Variants in WDSUB1 observed in about 807,000 individuals in gnomAD.
The protein encoded by WDSUB1 is WD repeat, SAM and U-box domain-containing protein 1.
Under a neutral mutation model 53.9 loss-of-function variants are expected in WDSUB1, and 49 were observed. That is an observed-to-expected ratio of 0.91 (90% CI 0.72 to 1.15). The LOEUF (loss-of-function observed/expected upper bound fraction) is 1.15, where lower values mean the gene tolerates loss of function less well. WDSUB1 is among the 50% of genes most tolerant of loss of function. WDSUB1 has a pLI of 0.00. For missense variants in WDSUB1, 514 were observed against 562.0 expected (o/e 0.91, Z 0.86); for synonymous variants, 194 against 200.6 (o/e 0.97, Z 0.28).
chr2:159,281,019 T>A (rs1362530692), intron 2 of WDSUB1, among the ~76,000 whole-genome samples: 1 of 152,160 alleles, frequency 6.6e-6, no homozygotes, highest in African/African-American at 2.4e-5. Flanking sequence ...AAAAGATATT[T>A]GGCATAAGTG....
At chr2:159,260,822 A>C (rs1172372247) in intron 5 of WDSUB1, among the ~76,000 whole-genome samples, 2 of 152,322 alleles carry the variant, frequency 1.3e-5, no homozygotes, top group African/African-American at 4.8e-5. Flanking sequence ...CAAGGTGAAA[A>C]AACATCTGCA....
At position 159,282,972 on chromosome 2, in the gene WDSUB1, G is replaced by C; in HGVS notation, c.98C>G (p.Thr33Arg). 6.2e-7 allele frequency: 1 copy of C among 1,614,198 alleles called. No homozygotes were observed. Among genetic ancestry groups the C allele is most frequent in the South Asian group, 1.1e-5 (1 of 91,086 alleles). Reference protein sequence around the residue: ...SLLATCSLDKTIRLYSLRDFT... With the variant: ...SLLATCSLDKRIRLYSLRDFT... Reference sequence around the variant, plus strand: ...GTCACGTAACGAGTACAGGCGAATTGTTTTGTCCAAGGAGCAAGTAGCCAA... The same window carrying C: ...GTCACGTAACGAGTACAGGCGAATTCTTTTGTCCAAGGAGCAAGTAGCCAA... Residue 33 changes from threonine to arginine, a missense_variant, in exon 2 of 11, where the codon ACA becomes AGA. Coordinates refer to ENST00000359774, the MANE Select transcript of WDSUB1 (RefSeq NM_001128212.3).
intron 5 of WDSUB1, among the ~76,000 whole-genome samples, chr2:159,264,083 T>A (rs893634149): frequency 6.6e-6 from 1 of 152,184 alleles, no homozygotes; most frequent in Non-Finnish European, 1.5e-5. Context: ...AAAACCCATG[T>A]TTTTTAATAT....
chr2:159,250,676 G>A (rs16843822), intron 9 of WDSUB1, among the ~76,000 whole-genome samples: 10,329 of 152,240 alleles, frequency 0.068, 735 homozygotes, highest in African/African-American at 0.17. Flanking sequence ...GAAGGTTTAC[G>A]AGGAGTTATA....
At chr2:159,254,534 C>A (rs546741152) in intron 9 of WDSUB1, among the ~76,000 whole-genome samples, 2 of 152,270 alleles carry the variant, frequency 1.3e-5, no homozygotes, top group East Asian at 3.9e-4. Context: ...GGACTCCAGC[C>A]TGGGCAACAG....
chr2:159,264,216 T>G (rs1234187676), intron 5 of WDSUB1, among the ~76,000 whole-genome samples: 11 of 152,200 alleles, frequency 7.2e-5, no homozygotes. Context: ...TCACTAAAGC[T>G]CTCAGAAGAC....
intron 10 of WDSUB1, among the ~76,000 whole-genome samples, chr2:159,240,769 C>G (rs2060623053): frequency 6.6e-6 from 1 of 152,180 alleles, no homozygotes; most frequent in Non-Finnish European, 1.5e-5. Context: ...TAAACCCAAG[C>G]AGTGTGGCTC....
At chr2:159,263,896 T>G (rs1488448414) in intron 5 of WDSUB1, among the ~76,000 whole-genome samples, 1 of 152,206 alleles carries the variant, frequency 6.6e-6, no homozygotes, top group Non-Finnish European at 1.5e-5. Context: ...ACATAATAAA[T>G]GCTTTATCTG....
chr2:159,279,912 T>C lies in WDSUB1; in HGVS notation c.432A>G (p.Ala144=). ...CGSVKDGSLA[A]CAFSPNGSFF... is the part of the protein sequence containing the mutation. ...AGCTTCCATTAGGAGAAAATGCACA[T>C]GCCGCCAAGGAGCCATCTTTAACAC... The change falls in exon 3 of 11, where the codon GCA becomes GCG. Residue 144 remains alanine, a synonymous_variant. Transcript: ENST00000359774. 1 of 1,612,422 alleles carries C rather than the reference T, an allele frequency of 6.2e-7. No individual in the cohort carries two copies. Among genetic ancestry groups the C allele is most frequent in the Non-Finnish European group, 8.5e-7 (1 of 1,178,824 alleles).
chr2:159,248,333 C>T (rs768635888), intron 10 of WDSUB1, 39 bp downstream of exon 10: 1 of 1,596,390 alleles, frequency 6.3e-7, no homozygotes, highest in East Asian at 2.3e-5. Context: ...TCATTTAGCA[C>T]AAAACATCCC....
intron 9 of WDSUB1, among the ~76,000 whole-genome samples, chr2:159,252,586 C>T (rs1347762204): frequency 2.6e-5 from 4 of 152,104 alleles, no homozygotes; most frequent in Admixed American, 1.3e-4. Context: ...GGTCATTGCA[C>T]AGTAACTAGA....
chr2:159,249,834 G>C (rs1229187987), intron 9 of WDSUB1, among the ~76,000 whole-genome samples: 1 of 151,634 alleles, frequency 6.6e-6, no homozygotes, highest in South Asian at 2.1e-4. Flanking sequence ...GGGAGGATTA[G>C]GCAGGTGGAT....
intron 9 of WDSUB1, among the ~76,000 whole-genome samples, chr2:159,253,747 CAT>C (rs2061001558): frequency 1.3e-5 from 2 of 152,188 alleles, no homozygotes; most frequent in South Asian, 4.1e-4. Flanking sequence ...TTCACCTCAA[CAT>C]ATTTGTTTCT....
chr2:159,269,755 CAG>C (rs1321176439), intron 5 of WDSUB1, among the ~76,000 whole-genome samples: 3 of 152,180 alleles, frequency 2.0e-5, no homozygotes, highest in African/African-American at 4.8e-5. Context: ...AACAGAGTAA[CAG>C]AGAAAAATTG....
At chr2:159,236,603 A>C (rs2060488404) in intron 10 of WDSUB1, among the ~76,000 whole-genome samples, 1 of 152,180 alleles carries the variant, frequency 6.6e-6, no homozygotes, top group Admixed American at 6.5e-5. Flanking sequence ...AGGTACCCAG[A>C]GATGACAGAA....
At chr2:159,278,034 T>C (rs9287786) in intron 3 of WDSUB1, among the ~76,000 whole-genome samples, 22,928 of 152,098 alleles carry the variant, frequency 0.15, 3,494 homozygotes, top group African/African-American at 0.38. Context: ...AAAAAGCCCT[T>C]ATTTTTATTC....
chr2:159,269,502 T>G (rs1360810967), intron 5 of WDSUB1, among the ~76,000 whole-genome samples: 1 of 152,090 alleles, frequency 6.6e-6, no homozygotes, highest in South Asian at 2.1e-4. Flanking sequence ...AGAAGTTCAA[T>G]GAATTCCAAG....
At chr2:159,258,398 C>T (rs1050876642) in intron 6 of WDSUB1, among the ~76,000 whole-genome samples, 5 of 152,222 alleles carry the variant, frequency 3.3e-5, no homozygotes, top group Non-Finnish European at 5.9e-5. Context: ...GTGGCTCACA[C>T]CTATAATCCC....
At chr2:159,249,388 T>C (rs991100452) in intron 9 of WDSUB1, among the ~76,000 whole-genome samples, 2 of 152,222 alleles carry the variant, frequency 1.3e-5, no homozygotes, top group Non-Finnish European at 1.5e-5. Flanking sequence ...TTTAGAATTA[T>C]TGGCTGTTTA....
Sources: gnomAD v4.1 joint callset for allele counts (sites outside exome capture counted in the v4.1 genomes callset) on GRCh38, gnomAD v4.1.1 for gene constraint, MANE v1.5 for transcripts, NCBI Gene and HGNC (gene_info 2026-07-23, HGNC 2026-07-21) for gene names.